The following PEBP4 variants were observed in gnomAD, a reference collection of about 807,000 sequenced individuals.
The protein encoded by PEBP4 is phosphatidylethanolamine binding protein 4.
Under a neutral mutation model 23.9 loss-of-function variants are expected in PEBP4, and 22 were observed. The observed-to-expected ratio is 0.92, with a 90% CI of 0.66 to 1.31. The LOEUF is 1.31. PEBP4 is among the 40% of genes most tolerant of loss of function. The pLI is 0.00. For synonymous variants in PEBP4, 112 were observed against 99.3 expected, an observed-to-expected ratio of 1.13 and a Z score of -0.76; for missense variants, 324 against 281.7, an observed-to-expected ratio of 1.15 and a Z score of -1.07.
chr8:22,774,088 G>T (rs985232871), intron 4 of PEBP4, among the ~76,000 whole-genome samples: 20 of 152,138 alleles, frequency 1.3e-4, no homozygotes, highest in African/African-American at 4.8e-4. Flanking sequence ...GAGCTGTGAG[G>T]TTCAAACCAG....
At chr8:22,877,079 C>G (rs1284421163) in intron 3 of PEBP4, among the ~76,000 whole-genome samples, 1 of 152,124 alleles carries the variant, frequency 6.6e-6, no homozygotes, top group Non-Finnish European at 1.5e-5. Flanking sequence ...TTTATTCCAC[C>G]CTTATAAACA....
At chr8:22,925,278 G>C in intron 2 of PEBP4, 5 of 985,384 alleles carry the variant, frequency 5.1e-6, no homozygotes, top group Non-Finnish European at 4.8e-6. Flanking sequence ...GGGCCTGCTG[G>C]TGTATTCTGG....
intron 4 of PEBP4, among the ~76,000 whole-genome samples, chr8:22,785,790 G>C (rs1806015833): frequency 6.6e-6 from 1 of 152,212 alleles, no homozygotes; most frequent in African/African-American, 2.4e-5. Context: ...ACTGTGAATA[G>C]AGGAGGAAAA....
intron 1 of PEBP4, among the ~76,000 whole-genome samples, chr8:22,940,655 A>G (rs367696331): frequency 6.6e-6 from 1 of 151,822 alleles, no homozygotes; most frequent in East Asian, 1.9e-4. Flanking sequence ...CGCCTGGTTA[A>G]TTTTTTTGTA....
At chr8:22,719,211 G>A (rs1477146312) in intron 6 of PEBP4, among the ~76,000 whole-genome samples, 1 of 152,228 alleles carries the variant, frequency 6.6e-6, no homozygotes, top group Admixed American at 6.5e-5. Context: ...TGAGGGCCCT[G>A]AGGCTGCCCT....
At chr8:22,929,581 A>G (rs1809422872), upstream of PEBP4, among the ~76,000 whole-genome samples, 1 of 152,140 alleles carries the variant, frequency 6.6e-6, no homozygotes, top group South Asian at 2.1e-4. Context: ...TTATCACCCC[A>G]TCTTATGGAG....
intron 3 of PEBP4, among the ~76,000 whole-genome samples, chr8:22,830,300 T>TTGTG (rs557261932): frequency 0.015 from 2,179 of 148,666 alleles, 27 homozygotes; most frequent in South Asian, 0.043. Context: ...TGGCTAATTT[T>TTGTG]TGTGTGTGTG....
intron 6 of PEBP4, among the ~76,000 whole-genome samples, chr8:22,721,280 ATGAGGTCAAAAT>A (rs1452874016): frequency 6.6e-6 from 1 of 152,174 alleles, no homozygotes; most frequent in Admixed American, 6.5e-5. Context: ...CTGTATCTTG[ATGAGGTCAAAAT>A]TGAGACCCAG....
chr8:22,895,315 AC>A, intron 3 of PEBP4: 1 of 152,322 alleles, frequency 6.6e-6, no homozygotes. Flanking sequence ...GAATCTTAAT[AC>A]CTGGAGAGGC....
intron 4 of PEBP4, among the ~76,000 whole-genome samples, chr8:22,782,440 C>CT (rs1036140521): frequency 1.3e-5 from 2 of 152,196 alleles, no homozygotes; most frequent in Non-Finnish European, 2.9e-5. Flanking sequence ...AGACCTCTGC[C>CT]TTTGGGGGCA....
At chr8:22,936,034 A>G (rs1387601685) in intron 1 of PEBP4, among the ~76,000 whole-genome samples, 3 of 151,204 alleles carry the variant, frequency 2.0e-5, no homozygotes, top group East Asian at 3.9e-4. Context: ...AAAAAAAAAG[A>G]ACAAGATAAC....
chr8:22,715,540 G>A (rs1804399009), intron 6 of PEBP4, among the ~76,000 whole-genome samples: 1 of 152,250 alleles, frequency 6.6e-6, no homozygotes. Context: ...TGCACGGCAG[G>A]AAGGGAATTG....
intron 3 of PEBP4, among the ~76,000 whole-genome samples, chr8:22,880,157 G>T (rs2457440): frequency 0.88 from 133,884 of 152,028 alleles, 60,496 homozygotes; most frequent in Non-Finnish European, 0.97. Context: ...AGGAGTGGAT[G>T]ATTGGGAGGG....
chr8:22,906,270 G>A (rs1017019211), intron 3 of PEBP4, among the ~76,000 whole-genome samples: 3 of 152,034 alleles, frequency 2.0e-5, no homozygotes, highest in African/African-American at 4.8e-5. Context: ...GTCCAGCCTT[G>A]GGAGAGTGTG....
chr8:22,804,975 G>A (rs775847350), intron 4 of PEBP4, among the ~76,000 whole-genome samples: 19 of 152,054 alleles, frequency 1.2e-4, no homozygotes, highest in Non-Finnish European at 2.8e-4. Context: ...CTGCTCACAG[G>A]TTTCCTTCTC....
intron 3 of PEBP4, among the ~76,000 whole-genome samples, chr8:22,861,436 T>C (rs1039402746): frequency 6.6e-6 from 1 of 152,200 alleles, no homozygotes; most frequent in African/African-American, 2.4e-5. Flanking sequence ...TCGCAAATGA[T>C]ACAACTGAGG....
Position 22,817,745 on chromosome 8 carries a change from A to T in PEBP4, c.259-10T>A. 1 of 1,612,146 alleles carries T rather than the reference A, an allele frequency of 6.2e-7. No homozygotes were observed. Among genetic ancestry groups the T allele is most frequent in the Non-Finnish European group, 8.5e-7 (1 of 1,178,326 alleles). Reference sequence around the variant, plus strand: ...GGATATAGGTTGCGCCCTGTAACACATGTACCGAAAAGTAATGTAGCGTCA... The same window carrying T: ...GGATATAGGTTGCGCCCTGTAACACTTGTACCGAAAAGTAATGTAGCGTCA... On this transcript the variant is annotated splice_polypyrimidine_tract_variant and intron_variant, in intron 3 of 6. Coordinates refer to ENST00000256404, the MANE Select transcript of PEBP4 (RefSeq NM_144962.3).
intron 3 of PEBP4, among the ~76,000 whole-genome samples, chr8:22,850,082 G>A (rs1169038701): frequency 6.6e-6 from 1 of 151,436 alleles, no homozygotes; most frequent in Admixed American, 6.6e-5. Flanking sequence ...CAGGAGCCCT[G>A]TGATAGAGGA....
At position 22,920,172 on chromosome 8, in the gene PEBP4, C is replaced by T; in HGVS notation, c.258+12G>A. The T allele has an allele frequency of 1.9e-6, 3 of 1,609,892 alleles. No homozygotes were observed. The highest frequency in any genetic ancestry group is 1.3e-5 in the African/African-American group (1 of 74,950). The stretch of plus-strand genomic sequence containing the variant: ...ACTGTCCCCCCGCTTTAACACAGCC[C>T]TGCTCACTCACGTCCACGGCCCCCG... On this transcript the variant is annotated intron_variant, in intron 3 of 6. Transcript: ENST00000256404.
Sources: allele counts gnomAD v4.1 joint callset (sites outside exome capture counted in the v4.1 genomes callset), GRCh38; gene constraint gnomAD v4.1.1; transcripts MANE v1.5; gene names NCBI Gene and HGNC (gene_info 2026-07-23, HGNC 2026-07-21).